Variants in LRRC75A observed in about 807,000 individuals in gnomAD.
The protein encoded by LRRC75A is leucine rich repeat containing 75A.
A neutral mutation model predicts 26.0 loss-of-function variants in LRRC75A; 12 were observed. The observed-to-expected ratio is 0.46, with a 90% CI of 0.30 to 0.75. The LOEUF is 0.75. LRRC75A is among the 30% of genes least tolerant of loss of function. The probability of loss-of-function intolerance (pLI) is 0.08; values close to 1 mark genes in which losing one functional copy is unlikely to be tolerated. For missense variants in LRRC75A, 410 were observed against 486.6 expected (o/e 0.84, Z 1.48); for synonymous variants, 223 against 219.3 (o/e 1.02, Z -0.15).
intron 3 of LRRC75A, among the ~76,000 whole-genome samples, chr17:16,444,886 T>C (rs1388847323): frequency 6.7e-6 from 1 of 149,056 alleles, no homozygotes; most frequent in Non-Finnish European, 1.5e-5. Context: ...TCTCGCTCTG[T>C]CACCCAGGCT....
chr17:16,452,185 C>CAAAAAA (rs71152808), intron 2 of LRRC75A, among the ~76,000 whole-genome samples: 1 of 80,260 alleles, frequency 1.2e-5, no homozygotes, highest in African/African-American at 5.4e-5. Flanking sequence ...GACTTGCTCT[C>CAAAAAA]AAAAAAAAAA....
chr17:16,444,766 C>T (rs548794847), intron 3 of LRRC75A, among the ~76,000 whole-genome samples: 10 of 151,888 alleles, frequency 6.6e-5, no homozygotes, highest in Admixed American at 1.3e-4. Flanking sequence ...CAAGTGTGCC[C>T]TTCCCTGCAC....
intron 1 of LRRC75A, chr17:16,470,261 G>C (rs1265912517): frequency 1.3e-5 from 2 of 151,972 alleles, no homozygotes; most frequent in East Asian, 3.9e-4. Flanking sequence ...CAGAAGGAAG[G>C]CCCCGCGGGA....
At position 16,468,843 on chromosome 17, in the gene LRRC75A, G is replaced by A. The variant is rs141033748; in HGVS notation, c.247-6457C>T. Among the ~76,000 whole-genome samples the A allele has an allele frequency of 1.2e-3, 187 of 152,236 alleles. 3 individuals are homozygous for A. The highest frequency in any genetic ancestry group is 4.2e-3 in the African/African-American group (175 of 41,548). On this transcript the variant is annotated intron_variant, in intron 1 of 3. Transcript: ENST00000470794. ...GGTTGAGGCTGAAGTGGGCTATGAC[G>A]GTGCCACTGCACTCCAACCTGGGTG...
Position 16,454,486 on chromosome 17 carries a change from G to C in LRRC75A, c.376-6526C>G, listed in dbSNP as rs562432718. On this transcript the variant is annotated intron_variant, in intron 2 of 3. Coordinates refer to ENST00000470794, the MANE Select transcript of LRRC75A (RefSeq NM_001113567.3). ...GGGGGCGGATCACCTGAGGTTGGGA[G>C]TTTGAGACCAGCCTGACCAACATGG... is the stretch of plus-strand genomic sequence containing the variant. 2.9e-3 allele frequency among the ~76,000 whole-genome samples: 438 copies of C among 152,116 alleles called. 2 individuals carry two copies. The highest frequency in any genetic ancestry group is 9.7e-3 in the African/African-American group (403 of 41,460).
At position 16,491,700 on chromosome 17, in the gene LRRC75A, G is replaced by T; in HGVS notation, c.246+45C>A. 2.0e-6 allele frequency: 2 copies of T among 1,020,892 alleles called. No individual in the cohort carries two copies. The highest frequency in any genetic ancestry group is 2.7e-5 in the South Asian group (1 of 37,474). The allele number at this position is 1,020,892 out of a possible 1,614,324, so 63.2% of individuals were successfully genotyped here. A position where few individuals can be genotyped will look rare whatever the true frequency, so the allele number is the denominator to read the frequency against. Reference sequence around the variant, plus strand: ...TGGGGCGCCCCCCCCGGCCCAGCACGCCCCCTGGCCCGGCGCGCCCCCCGC... The same window carrying T: ...TGGGGCGCCCCCCCCGGCCCAGCACTCCCCCTGGCCCGGCGCGCCCCCCGC... On this transcript the variant is annotated intron_variant, in intron 1 of 3. Coordinates refer to ENST00000470794, the MANE Select transcript of LRRC75A (RefSeq NM_001113567.3). This position sits in a 1 kb window ranked among gnomAD's most constrained non-coding sequence, Gnocchi z 5.9.
At chr17:16,471,587 C>T (rs187403521) in intron 1 of LRRC75A, among the ~76,000 whole-genome samples, 4 of 152,330 alleles carry the variant, frequency 2.6e-5, no homozygotes, top group African/African-American at 4.8e-5. Context: ...GCTGTCTCCA[C>T]CAGCCCTGAA....
At chr17:16,469,342 T>C (rs1051628094) in intron 1 of LRRC75A, among the ~76,000 whole-genome samples, 4 of 152,220 alleles carry the variant, frequency 2.6e-5, no homozygotes, top group African/African-American at 9.6e-5. Context: ...CTTGGCCTCT[T>C]TGGGTGGCCT....
At chr17:16,458,014 A>AC (rs2093698469) in intron 2 of LRRC75A, among the ~76,000 whole-genome samples, 1 of 151,620 alleles carries the variant, frequency 6.6e-6, no homozygotes, top group Non-Finnish European at 1.5e-5. Context: ...AACAACAACA[A>AC]AAAAGCAAGG....
rs946611909 is a variant in LRRC75A at position 16,462,500 on chromosome 17, C to T, written c.247-114G>A. On this transcript the variant is annotated intron_variant, in intron 1 of 3. Transcript: ENST00000470794. This position sits in a 1 kb window ranked among gnomAD's most constrained non-coding sequence, Gnocchi z 4.6. ...GAGGCGACTCTGCCTCCCAGAGCCC[C>T]GGTGGGGAGCATCTGCAGAACTTCC... The T allele has an allele frequency of 1.1e-4, 152 of 1,394,640 alleles. No homozygotes were observed. The highest frequency in any genetic ancestry group is 2.0e-4 in the Middle Eastern group (1 of 4,946). The allele number at this position is 1,394,640 out of a possible 1,614,324, so 86.4% of individuals were successfully genotyped here. A position where few individuals can be genotyped will look rare whatever the true frequency, so the allele number is the denominator to read the frequency against.
rs915323978 is a variant in LRRC75A at position 16,443,479 on chromosome 17, C to A, written c.*109G>T. On this transcript the variant is annotated 3_prime_UTR_variant, in exon 4 of 4. Coordinates refer to ENST00000470794, the MANE Select transcript of LRRC75A (RefSeq NM_001113567.3). Reference sequence around the variant, plus strand: ...CTTTCTGTAGGTGGGTGGCCCAGGCCAATTTTTGGCAATATCCTTAACCCA... The same window carrying A: ...CTTTCTGTAGGTGGGTGGCCCAGGCAAATTTTTGGCAATATCCTTAACCCA... 1.0e-5 allele frequency: 11 copies of A among 1,094,936 alleles called. No individual in the cohort carries two copies. In the South Asian group the frequency reaches 1.6e-4, roughly 16 times the overall value. 67.8% of individuals were successfully genotyped at this position (1,094,936 alleles called of 1,614,324 possible). A position where few individuals can be genotyped will look rare whatever the true frequency, so the allele number is the denominator to read the frequency against.
chr17:16,466,214 A>G (rs2093767651), intron 1 of LRRC75A, among the ~76,000 whole-genome samples: 1 of 152,140 alleles, frequency 6.6e-6, no homozygotes, highest in Non-Finnish European at 1.5e-5. Context: ...GGGACTACCC[A>G]CAGGGCTGGG....
intron 2 of LRRC75A, among the ~76,000 whole-genome samples, chr17:16,453,348 G>GCACACGCA (rs2093651313): frequency 6.9e-6 from 1 of 145,818 alleles, no homozygotes; most frequent in African/African-American, 2.5e-5. Flanking sequence ...ACACGCACAC[G>GCACACGCA]CACACACACA....
intron 2 of LRRC75A, 50 bp from the exon 3 acceptor site, chr17:16,448,010 G>T: frequency 6.8e-7 from 1 of 1,465,688 alleles, no homozygotes; most frequent in Admixed American, 2.0e-5. Context: ...GGGTGCACCA[G>T]TCTCAGCCCC....
At chr17:16,459,662 T>C (rs1023316268) in intron 2 of LRRC75A, among the ~76,000 whole-genome samples, 3 of 152,204 alleles carry the variant, frequency 2.0e-5, no homozygotes, top group Admixed American at 1.3e-4. Flanking sequence ...GAACGAGCTC[T>C]CCGGTCTTGA....
chr17:16,463,213 C>A (rs2143166886), intron 1 of LRRC75A: 1 of 152,286 alleles, frequency 6.6e-6, no homozygotes, highest in African/African-American at 2.4e-5. Context: ...TCATGAGACC[C>A]CTGAGCTTAA....
chr17:16,446,780 C>T (rs2093589367), intron 3 of LRRC75A: 2 of 223,242 alleles, frequency 9.0e-6, no homozygotes, highest in Non-Finnish European at 9.4e-6. Context: ...AGTCTCATGG[C>T]ATTCCAGGTT....
At chr17:16,449,766 G>A (rs1240327088) in intron 2 of LRRC75A, among the ~76,000 whole-genome samples, 3 of 152,138 alleles carry the variant, frequency 2.0e-5, no homozygotes, top group African/African-American at 7.2e-5. Context: ...ACAGGCACCC[G>A]CCATCACACC....
At chr17:16,445,229 C>T (rs1321430575) in intron 3 of LRRC75A, among the ~76,000 whole-genome samples, 1 of 140,952 alleles carries the variant, frequency 7.1e-6, no homozygotes, top group Admixed American at 7.4e-5. Context: ...GCAGTGGCGC[C>T]ATTTCTGCTC....
Sources: gnomAD v4.1 joint callset for allele counts (sites outside exome capture counted in the v4.1 genomes callset) on GRCh38, gnomAD v4.1.1 for gene constraint, Gnocchi (gnomAD v3.1) non-coding constraint, MANE v1.5 for transcripts, NCBI Gene and HGNC (gene_info 2026-07-23, HGNC 2026-07-21) for gene names.